Variants in PLA2G4A observed in about 807,000 individuals in gnomAD.
The protein encoded by PLA2G4A is phospholipase A2 group IVA.
PLA2G4A carries 40 observed loss-of-function variants against 81.9 expected under a neutral mutation model. The observed-to-expected ratio is 0.49, with a 90% confidence interval of 0.38 to 0.64. PLA2G4A has a LOEUF of 0.64. PLA2G4A is among the 30% of genes least tolerant of loss of function. The probability of loss-of-function intolerance (pLI) is 0.00; values close to 1 mark genes in which losing one functional copy is unlikely to be tolerated. For missense variants in PLA2G4A, 715 were observed against 905.1 expected, an observed-to-expected ratio of 0.79 and a Z score of 2.69; for synonymous variants, 302 against 296.9, an observed-to-expected ratio of 1.02 and a Z score of -0.18.
At chr1:186,839,122 A>G (rs1265551664) in intron 1 of PLA2G4A, among the ~76,000 whole-genome samples, 7 of 152,248 alleles carry the variant, frequency 4.6e-5, no homozygotes, top group African/African-American at 1.7e-4. Context: ...TCCTCTTCAC[A>G]TAAAAATGAT....
At chr1:186,941,099 C>T (rs181273477) in intron 10 of PLA2G4A, among the ~76,000 whole-genome samples, 20 of 127,594 alleles carry the variant, frequency 1.6e-4, no homozygotes, top group Admixed American at 4.7e-4. Context: ...GGCCATAGAG[C>T]GAGACTCCGT....
At chr1:186,976,678 T>C (rs1338874441) in intron 15 of PLA2G4A, among the ~76,000 whole-genome samples, 1 of 152,126 alleles carries the variant, frequency 6.6e-6, no homozygotes, top group African/African-American at 2.4e-5. Flanking sequence ...TTTATTCTGC[T>C]CTCCCTGAAG....
At position 186,868,071 on chromosome 1, in the gene PLA2G4A, CT is replaced by C. The variant is rs59978011; in HGVS notation, c.34-2341del. Among the ~76,000 whole-genome samples the C allele has an allele frequency of 8.3e-3, 935 of 112,828 alleles. 5 individuals are homozygous for C. The highest frequency in any genetic ancestry group is 0.029 in the African/African-American group (770 of 26,444). 74.0% of individuals were successfully genotyped at this position (112,828 alleles called of 152,430 possible). On this transcript the variant is annotated intron_variant, in intron 2 of 17. Transcript: ENST00000367466. Reference sequence around the variant, plus strand: ...CCCCGCTTGGTCACGGTGTATAATTCTTTTTTTTTTTTTTTTTTTTTTTGAG... The same window carrying C: ...CCCCGCTTGGTCACGGTGTATAATTCTTTTTTTTTTTTTTTTTTTTTTGAG...
chr1:186,933,393 AT>A (rs1175711152), intron 8 of PLA2G4A, among the ~76,000 whole-genome samples: 1 of 152,188 alleles, frequency 6.6e-6, no homozygotes, highest in Non-Finnish European at 1.5e-5. Flanking sequence ...AATATATTTC[AT>A]TGATTTTCAT....
At chr1:186,911,452 C>T in intron 7 of PLA2G4A, 63 bp downstream of exon 7, 1 of 1,256,674 alleles carries the variant, frequency 8.0e-7, no homozygotes, top group Non-Finnish European at 1.2e-6. Context: ...GACAATTTCC[C>T]CAATAATTTT....
At chr1:186,986,656 G>A (rs749900029) in intron 17 of PLA2G4A, among the ~76,000 whole-genome samples, 25 of 152,108 alleles carry the variant, frequency 1.6e-4, no homozygotes, top group African/African-American at 4.6e-4. Context: ...AATAACAAGC[G>A]TAACAGCTGT....
intron 15 of PLA2G4A, among the ~76,000 whole-genome samples, chr1:186,971,913 T>C (rs1389180177): frequency 6.6e-6 from 1 of 152,086 alleles, no homozygotes. Flanking sequence ...TTTCCTATTT[T>C]TGAGACTGAA....
At chr1:186,967,172 C>A (rs2102279018) in intron 15 of PLA2G4A, among the ~76,000 whole-genome samples, 1 of 152,128 alleles carries the variant, frequency 6.6e-6, no homozygotes, top group South Asian at 2.1e-4. Context: ...GCTCTCAAGA[C>A]CAATAATGGT....
intron 7 of PLA2G4A, among the ~76,000 whole-genome samples, chr1:186,929,574 G>A (rs1412903186): frequency 1.3e-5 from 2 of 152,084 alleles, no homozygotes; most frequent in Non-Finnish European, 2.9e-5. Flanking sequence ...AGCCCACAGA[G>A]TGTTTTCTTG....
chr1:186,929,011 A>C (rs539168141), intron 7 of PLA2G4A, among the ~76,000 whole-genome samples: 2 of 152,354 alleles, frequency 1.3e-5, no homozygotes, highest in East Asian at 3.9e-4. Flanking sequence ...ACATTATTTC[A>C]GAATGAGCAA....
Position 186,988,605 on chromosome 1 carries a change from T to A in PLA2G4A, c.*97T>A. On this transcript the variant is annotated 3_prime_UTR_variant, in exon 18 of 18. Coordinates refer to ENST00000367466, the MANE Select transcript of PLA2G4A (RefSeq NM_024420.3). The stretch of plus-strand genomic sequence containing the variant: ...AGTACAGTACAGATAGTCGTACTGA[T>A]CATGAGAGACTGGCTGATACTCAAA... 6 of 1,052,782 alleles carry A rather than the reference T, an allele frequency of 5.7e-6. No homozygotes were observed. Among genetic ancestry groups the A allele is most frequent in the Non-Finnish European group, 7.4e-6 (5 of 679,998 alleles). 65.2% of individuals were successfully genotyped at this position (1,052,782 alleles called of 1,614,324 possible).
chr1:186,892,966 G>T (rs1429006319), intron 3 of PLA2G4A, 45 bp from the exon 4 acceptor site: 1 of 1,419,212 alleles, frequency 7.0e-7, no homozygotes, highest in South Asian at 1.2e-5. Flanking sequence ...TAGGAACTAT[G>T]AATCACATTT....
chr1:186,979,197 A>T, intron 16 of PLA2G4A, 118 bp from the exon 17 acceptor site: 1 of 753,758 alleles, frequency 1.3e-6, no homozygotes, highest in African/African-American at 1.7e-5. Flanking sequence ...GCTACAGAGT[A>T]CCTGGCTCTG....
In PLA2G4A at chr1:186,890,568, G is replaced by A. The variant is rs564312610; in HGVS notation, c.116-2443G>A. ...GTATTTATGTGAAATAGAAAAAACCGTTACTGGCCGGGCATGGTGGCTCAT... is the reference window on the plus strand; with the variant it reads ...GTATTTATGTGAAATAGAAAAAACCATTACTGGCCGGGCATGGTGGCTCAT... On this transcript the variant is annotated intron_variant, in intron 3 of 17. Transcript: ENST00000367466. Among the ~76,000 whole-genome samples, 13 of 152,154 alleles carry A rather than the reference G, an allele frequency of 8.5e-5. No homozygotes were observed. The East Asian group carries it at 1.2e-3, about 14-fold the overall frequency.
At chr1:186,896,499 A>G (rs1171341983) in intron 5 of PLA2G4A, among the ~76,000 whole-genome samples, 2 of 152,232 alleles carry the variant, frequency 1.3e-5, no homozygotes, top group African/African-American at 4.8e-5. Flanking sequence ...TGTTTCTAGC[A>G]TAGGCTCTCA....
chr1:186,904,417 C>T (rs1571385480), intron 5 of PLA2G4A, among the ~76,000 whole-genome samples: 1 of 152,182 alleles, frequency 6.6e-6, no homozygotes, highest in Admixed American at 6.5e-5. Flanking sequence ...TTGTTTAATG[C>T]CTCACAGGAA....
At chr1:186,829,484 G>T (rs1230183652) in intron 1 of PLA2G4A, among the ~76,000 whole-genome samples, 8 of 152,076 alleles carry the variant, frequency 5.3e-5, no homozygotes, top group Non-Finnish European at 7.4e-5. Context: ...CTAAAAATTG[G>T]TCATTTTTGT....
rs564875214 is a variant in PLA2G4A at position 186,893,408 on chromosome 1, A to C, written c.264+249A>C. ...CTTTGGAGAAAACATATTTTCTGCT[A>C]TCAAGGAGAGAATCCCAGTATAACA... On this transcript the variant is annotated intron_variant, in intron 4 of 17. Transcript: ENST00000367466. Among the ~76,000 whole-genome samples, 15 of 152,362 alleles carry C rather than the reference A, an allele frequency of 9.8e-5. 1 individual carries two copies. The South Asian group carries it at 3.1e-3, about 32-fold the overall frequency.
At chr1:186,922,577 C>T (rs927602906) in intron 7 of PLA2G4A, among the ~76,000 whole-genome samples, 5 of 152,190 alleles carry the variant, frequency 3.3e-5, no homozygotes, top group African/African-American at 7.2e-5. Context: ...TGGCCAGAGT[C>T]CCCTGCAGGG....
Sources: allele counts gnomAD v4.1 joint callset (sites outside exome capture counted in the v4.1 genomes callset), GRCh38; gene constraint gnomAD v4.1.1; transcripts MANE v1.5; gene names NCBI Gene and HGNC (gene_info 2026-07-23, HGNC 2026-07-21).